Variants in NECTIN3 observed in about 807,000 individuals in gnomAD.
The protein encoded by NECTIN3 is nectin-3.
Under a neutral mutation model 49.4 loss-of-function variants are expected in NECTIN3, and 8 were observed. The observed-to-expected ratio is 0.16, with a 90% CI of 0.10 to 0.29. NECTIN3 has a LOEUF of 0.29. NECTIN3 is among the 10% of genes least tolerant of loss of function. NECTIN3 has a pLI of 1.00. For missense variants in NECTIN3, 581 were observed against 654.6 expected, an observed-to-expected ratio of 0.89 and a Z score of 1.23; for synonymous variants, 277 against 241.1, an observed-to-expected ratio of 1.15 and a Z score of -1.38.
intron 1 of NECTIN3, among the ~76,000 whole-genome samples, chr3:111,103,283 T>C (rs1340267994): frequency 2.0e-5 from 3 of 152,100 alleles, no homozygotes; most frequent in African/African-American, 7.2e-5. Flanking sequence ...ATCTCCCCAT[T>C]TACTTAGTTA....
chr3:111,126,852 A>C (rs551957281), intron 5 of NECTIN3, among the ~76,000 whole-genome samples: 27 of 152,266 alleles, frequency 1.8e-4, no homozygotes, highest in Admixed American at 1.4e-3. Flanking sequence ...AATGAAATAA[A>C]ATTTGTGATG....
intron 7 of NECTIN3, among the ~76,000 whole-genome samples, chr3:111,166,693 T>C (rs1034716988): frequency 2.0e-5 from 3 of 152,236 alleles, no homozygotes; most frequent in African/African-American, 7.2e-5. Flanking sequence ...GATTCTTAGA[T>C]GTGTATAAAT....
At chr3:111,072,666 C>T (rs2030868824) in intron 1 of NECTIN3, 2 of 1,267,640 alleles carry the variant, frequency 1.6e-6, no homozygotes, top group African/African-American at 3.0e-5. Flanking sequence ...CATTTTAGCC[C>T]ACCCAGCCGC....
chr3:111,144,887 G>C (rs752040825), intron 5 of NECTIN3: 2 of 1,517,636 alleles, frequency 1.3e-6, no homozygotes, highest in South Asian at 1.2e-5. Context: ...CCTAATTTTT[G>C]TTACTTTACA....
chr3:111,113,471 T>A (rs1325780871), intron 2 of NECTIN3, among the ~76,000 whole-genome samples: 2 of 152,200 alleles, frequency 1.3e-5, no homozygotes, highest in Non-Finnish European at 2.9e-5. Flanking sequence ...GTAATGTCTC[T>A]GAAGTATAGG....
intron 2 of NECTIN3, among the ~76,000 whole-genome samples, chr3:111,112,975 T>G (rs1009509238): frequency 6.6e-6 from 1 of 152,198 alleles, no homozygotes; most frequent in African/African-American, 2.4e-5. Context: ...TGCTGATAAG[T>G]ACTTTTGAAA....
rs1003768295 is a variant in NECTIN3, at chr3:111,094,150, A to C, written c.161-17880A>C. 5.3e-5 allele frequency among the ~76,000 whole-genome samples: 8 copies of C among 151,970 alleles called. No homozygotes were observed. In the East Asian group the frequency reaches 1.5e-3, roughly 29 times the overall value. ...TATATTGACTTATTTTATATTTACT[A>C]TACTTTTATTTCATACAAGGAAGGA... On this transcript the variant is annotated intron_variant, in intron 1 of 5. Coordinates refer to ENST00000485303, the MANE Select transcript of NECTIN3 (RefSeq NM_015480.3).
intron 1 of NECTIN3, among the ~76,000 whole-genome samples, chr3:111,095,137 A>T (rs1047604899): frequency 3.3e-5 from 5 of 152,198 alleles, no homozygotes; most frequent in Non-Finnish European, 7.3e-5. Context: ...CTTAAAAGTC[A>T]TAGGTCATAG....
chr3:111,172,366 A>G (rs2035450169), intron 7 of NECTIN3, among the ~76,000 whole-genome samples: 1 of 152,244 alleles, frequency 6.6e-6, no homozygotes, highest in South Asian at 2.1e-4. Flanking sequence ...AGGTGACATA[A>G]ACATGTTTAG....
chr3:111,164,445 C>T (rs1316174680), intron 7 of NECTIN3, among the ~76,000 whole-genome samples: 3 of 152,154 alleles, frequency 2.0e-5, no homozygotes, highest in Admixed American at 1.3e-4. Flanking sequence ...TTAGCAAATA[C>T]TGTGACTGAA....
chr3:111,116,988 G>A (rs1384192760), intron 2 of NECTIN3, among the ~76,000 whole-genome samples: 1 of 152,026 alleles, frequency 6.6e-6, no homozygotes, highest in Non-Finnish European at 1.5e-5. Context: ...GGATATACTT[G>A]TGCACAAATA....
At position 111,134,569 on chromosome 3, in the gene NECTIN3, T is replaced by C; in HGVS notation, c.*354T>C. The C allele has an allele frequency of 2.1e-6, 2 of 961,556 alleles. No homozygotes were observed. Among genetic ancestry groups the C allele is most frequent in the Non-Finnish European group, 2.5e-6 (2 of 805,546 alleles). 59.6% of individuals were successfully genotyped at this position (961,556 alleles called of 1,614,324 possible). On this transcript the variant is annotated 3_prime_UTR_variant, in exon 6 of 6. Transcript: ENST00000485303. ...CTACCTTGACATTGTGTATTAAATG[T>C]TTACCTAAGACTATAATCTCAAGTA...
At chr3:111,126,012 T>G (rs925474896) in intron 4 of NECTIN3, among the ~76,000 whole-genome samples, 172 bp from the exon 5 acceptor site, 1 of 152,190 alleles carries the variant, frequency 6.6e-6, no homozygotes, top group Non-Finnish European at 1.5e-5. Context: ...TATTCATTCA[T>G]CTTTATTAAA....
intron 5 of NECTIN3, among the ~76,000 whole-genome samples, chr3:111,127,206 A>T (rs1368241751): frequency 6.6e-6 from 1 of 152,198 alleles, no homozygotes; most frequent in Non-Finnish European, 1.5e-5. Flanking sequence ...CTTTGTTCAG[A>T]TCTAAAACTA....
rs865903137 is a variant in NECTIN3 at position 111,106,000 on chromosome 3, T to C, written c.161-6030T>C. 5.6e-3 allele frequency among the ~76,000 whole-genome samples: 839 copies of C among 148,696 alleles called. 6 individuals carry two copies. Among genetic ancestry groups the C allele is most frequent in the African/African-American group, 0.017 (680 of 39,680 alleles). On this transcript the variant is annotated intron_variant, in intron 1 of 5. Coordinates refer to ENST00000485303, the MANE Select transcript of NECTIN3 (RefSeq NM_015480.3). ...ACCAGTGCTTTTTTTTTTTTTTTTT[T>C]CCCACTTCTTGGCAGCATTTGGAAT...
upstream of NECTIN3, among the ~76,000 whole-genome samples, chr3:111,190,126 A>G (rs756100487): frequency 6.6e-5 from 10 of 152,216 alleles, no homozygotes; most frequent in Non-Finnish European, 1.2e-4. Flanking sequence ...TTAGATGGCA[A>G]CTGCAAAGTA....
chr3:111,182,878 G>T (rs1198751903), intron 7 of NECTIN3, among the ~76,000 whole-genome samples: 2 of 151,628 alleles, frequency 1.3e-5, no homozygotes, highest in Non-Finnish European at 2.9e-5. Context: ...CCATCATCTT[G>T]TTATTTGTCT....
chr3:111,142,239 C>T (rs1221316260), downstream of NECTIN3, among the ~76,000 whole-genome samples: 1 of 151,854 alleles, frequency 6.6e-6, no homozygotes, highest in Admixed American at 6.6e-5. Flanking sequence ...AAATATATCC[C>T]ATATGCTTAT....
intron 7 of NECTIN3, among the ~76,000 whole-genome samples, chr3:111,161,286 T>C (rs2107520070): frequency 6.6e-6 from 1 of 152,304 alleles, no homozygotes; most frequent in African/African-American, 2.4e-5. Context: ...GGTTAAATGC[T>C]GCCACTTGGC....
Sources: gnomAD v4.1 joint callset for allele counts (sites outside exome capture counted in the v4.1 genomes callset) on GRCh38, gnomAD v4.1.1 for gene constraint, MANE v1.5 for transcripts, NCBI Gene and HGNC (gene_info 2026-07-23, HGNC 2026-07-21) for gene names.